LPP: variants seen among roughly 807,000 people sequenced by gnomAD.
LPP encodes LIM domain containing preferred translocation partner in lipoma.
A neutral mutation model predicts 60.4 loss-of-function variants in LPP; 38 were observed. The observed-to-expected ratio is 0.63, with a 90% confidence interval of 0.49 to 0.83. The LOEUF (loss-of-function observed/expected upper bound fraction) is 0.83. Ranked by LOEUF, LPP falls within the 40% of genes least tolerant of loss-of-function variation. The pLI is 0.00. For missense variants in LPP, 902 were observed against 783.6 expected (o/e 1.15, Z -1.80); for synonymous variants, 328 against 290.8 (o/e 1.13, Z -1.30).
At chr3:188,157,496 C>T (rs1346723533) in intron 1 of LPP, among the ~76,000 whole-genome samples, 1 of 151,806 alleles carries the variant, frequency 6.6e-6, no homozygotes. Context: ...ACTGTGTAGC[C>T]CCCTTAGCAC....
chr3:188,716,238 G>T (rs1323758028), intron 8 of LPP, among the ~76,000 whole-genome samples: 6 of 152,208 alleles, frequency 3.9e-5, no homozygotes, highest in African/African-American at 1.4e-4. Flanking sequence ...AAAAGTGAAG[G>T]CATGAGGCAG....
intron 8 of LPP, among the ~76,000 whole-genome samples, chr3:188,740,145 G>C (rs576372740): frequency 1.1e-4 from 17 of 152,030 alleles, no homozygotes; most frequent in Non-Finnish European, 2.5e-4. Context: ...GTCAATGTGA[G>C]AGCTAATGTT....
At chr3:188,751,838 A>G (rs950945964) in intron 8 of LPP, among the ~76,000 whole-genome samples, 2 of 152,204 alleles carry the variant, frequency 1.3e-5, no homozygotes, top group Non-Finnish European at 2.9e-5. Context: ...GCGCTGAATA[A>G]ATATTGACTA....
intron 4 of LPP, among the ~76,000 whole-genome samples, chr3:188,417,037 T>C (rs1786486694): frequency 6.6e-6 from 1 of 152,138 alleles, no homozygotes; most frequent in Non-Finnish European, 1.5e-5. Context: ...ATTTTTATCA[T>C]CCTTTCTTAA....
At chr3:188,233,172 C>T (rs1167936392) in intron 2 of LPP, among the ~76,000 whole-genome samples, 1 of 152,150 alleles carries the variant, frequency 6.6e-6, no homozygotes, top group Non-Finnish European at 1.5e-5. Flanking sequence ...ACTCCCAAGG[C>T]CTAACTACAA....
At chr3:188,364,654 A>G (rs1376914342) in intron 3 of LPP, among the ~76,000 whole-genome samples, 1 of 152,240 alleles carries the variant, frequency 6.6e-6, no homozygotes, top group African/African-American at 2.4e-5. Flanking sequence ...TGGAACCTGC[A>G]CGCTCATTAG....
At chr3:188,433,272 T>A (rs13080560) in intron 4 of LPP, among the ~76,000 whole-genome samples, 93,569 of 151,896 alleles carry the variant, frequency 0.62, 30,759 homozygotes, top group East Asian at 0.99. Context: ...AGTGGGGAAA[T>A]CCTTTGTCCC....
intron 4 of LPP, among the ~76,000 whole-genome samples, chr3:188,430,209 A>G (rs1790539406): frequency 6.6e-6 from 1 of 152,114 alleles, no homozygotes; most frequent in South Asian, 2.1e-4. Flanking sequence ...CTAAATTTTG[A>G]GGAAATAAGT....
chr3:188,630,191 T>C (rs979526286), intron 7 of LPP, among the ~76,000 whole-genome samples: 5 of 151,958 alleles, frequency 3.3e-5, no homozygotes, highest in African/African-American at 4.8e-5. Context: ...AGACAGCCTA[T>C]AGAAAGAGAG....
At chr3:188,504,970 T>G (rs1220384728) in intron 5 of LPP, among the ~76,000 whole-genome samples, 2 of 152,276 alleles carry the variant, frequency 1.3e-5, no homozygotes, top group East Asian at 3.9e-4. Context: ...TTTGCCCAGC[T>G]TGGATCATGT....
At chr3:188,778,955 G>A (rs900334595) in intron 9 of LPP, among the ~76,000 whole-genome samples, 2 of 152,146 alleles carry the variant, frequency 1.3e-5, no homozygotes, top group African/African-American at 2.4e-5. Context: ...TTATAAAAGT[G>A]TGTGTGTTTG....
chr3:188,653,871 A>C (rs1442107409), intron 7 of LPP, among the ~76,000 whole-genome samples: 1 of 152,148 alleles, frequency 6.6e-6, no homozygotes, highest in Non-Finnish European at 1.5e-5. Context: ...ACAAATCTTT[A>C]ATTGGTTGTG....
In LPP at chr3:188,874,616, A is replaced by G; in HGVS notation, c.*137A>G. Reference sequence around the variant, plus strand: ...TTAACCTTGCCTTAGAAACACATAAATTATGAGATTTTTTTTAAAAGTTGT... The same window carrying G: ...TTAACCTTGCCTTAGAAACACATAAGTTATGAGATTTTTTTTAAAAGTTGT... On this transcript the variant is annotated 3_prime_UTR_variant, in exon 12 of 12. Transcript: ENST00000617246. 1.0e-6 allele frequency: 1 copy of G among 980,776 alleles called. No individual in the cohort carries two copies. The highest frequency in any genetic ancestry group is 2.0e-5 in the South Asian group (1 of 49,350). The allele number at this position is 980,776 out of a possible 1,614,324, so 60.8% of individuals were successfully genotyped here.
chr3:188,560,406 A>G (rs920912637), intron 6 of LPP, among the ~76,000 whole-genome samples: 2 of 152,130 alleles, frequency 1.3e-5, no homozygotes, highest in African/African-American at 2.4e-5. Context: ...TGCGATGTCA[A>G]TGTCCTTATC....
intron 7 of LPP, among the ~76,000 whole-genome samples, chr3:188,695,962 C>T (rs1863150217): frequency 6.6e-6 from 1 of 152,184 alleles, no homozygotes; most frequent in Non-Finnish European, 1.5e-5. Context: ...GGTTCTGCCA[C>T]TTAATATGGG....
At chr3:188,477,536 G>T (rs1183744904) in intron 4 of LPP, among the ~76,000 whole-genome samples, 2 of 152,150 alleles carry the variant, frequency 1.3e-5, no homozygotes, top group East Asian at 3.9e-4. Context: ...CATTAAATGG[G>T]ATGTATCCTC....
intron 5 of LPP, among the ~76,000 whole-genome samples, chr3:188,522,647 C>T (rs1032818448): frequency 4.6e-5 from 7 of 151,640 alleles, no homozygotes; most frequent in African/African-American, 1.7e-4. Flanking sequence ...CAGAAAAATA[C>T]ACATGGTGGC....
chr3:188,164,354 G>A (rs749170026), intron 1 of LPP, among the ~76,000 whole-genome samples: 9 of 152,164 alleles, frequency 5.9e-5, no homozygotes, highest in South Asian at 2.1e-4. Context: ...AGCTGTAACC[G>A]TGGAAGCCTA....
intron 3 of LPP, among the ~76,000 whole-genome samples, chr3:188,402,097 T>A (rs900565392): frequency 7.9e-5 from 12 of 152,156 alleles, no homozygotes; most frequent in Admixed American, 7.2e-4. Flanking sequence ...ATGATTAATG[T>A]CTGTTAAAAG....
Sources: gnomAD v4.1 joint callset for allele counts (sites outside exome capture counted in the v4.1 genomes callset) on GRCh38, gnomAD v4.1.1 for gene constraint, MANE v1.5 for transcripts, NCBI Gene and HGNC (gene_info 2026-07-23, HGNC 2026-07-21) for gene names.